The following ZNF385B variants were observed in gnomAD, a reference collection of about 807,000 sequenced individuals.
ZNF385B encodes the protein zinc finger protein 533.
ZNF385B carries 23 observed loss-of-function variants against 39.2 expected under a neutral mutation model. The observed-to-expected ratio is 0.59, with a 90% CI of 0.42 to 0.83. The LOEUF (loss-of-function observed/expected upper bound fraction) is 0.83. ZNF385B is among the 40% of genes least tolerant of loss of function. ZNF385B has a pLI of 0.00. For synonymous variants in ZNF385B, 205 were observed against 222.6 expected (o/e 0.92, Z 0.70); for missense variants, 552 against 598.9 (o/e 0.92, Z 0.82).
At chr2:179,738,059 T>C (rs1379682715) in intron 3 of ZNF385B, among the ~76,000 whole-genome samples, 3 of 152,212 alleles carry the variant, frequency 2.0e-5, no homozygotes, top group South Asian at 4.1e-4. Flanking sequence ...TCCTTTATCA[T>C]ATGCCTAAGT....
chr2:179,618,809 G>T (rs972212625), intron 3 of ZNF385B, among the ~76,000 whole-genome samples: 1 of 152,106 alleles, frequency 6.6e-6, no homozygotes, highest in African/African-American at 2.4e-5. Context: ...GTAGTGACAA[G>T]GTACCTCAAA....
intron 3 of ZNF385B, among the ~76,000 whole-genome samples, chr2:179,676,579 T>C (rs1429674690): frequency 6.6e-6 from 1 of 152,046 alleles, no homozygotes; most frequent in Admixed American, 6.5e-5. Context: ...GGCTACAATA[T>C]GGAGAATGAC....
chr2:179,469,228 GGAA>G (rs1175180128), intron 6 of ZNF385B, among the ~76,000 whole-genome samples: 3 of 152,252 alleles, frequency 2.0e-5, no homozygotes, highest in South Asian at 2.1e-4. Context: ...GGGCCACACT[GGAA>G]GAAGAAGAAT....
chr2:179,631,210 T>C (rs1691179516), intron 3 of ZNF385B, among the ~76,000 whole-genome samples: 1 of 151,918 alleles, frequency 6.6e-6, no homozygotes, highest in Admixed American at 6.6e-5. Flanking sequence ...CCACAGGACA[T>C]GTAATTGTCA....
chr2:179,546,448 C>T (rs1214285620), intron 3 of ZNF385B, among the ~76,000 whole-genome samples: 2 of 152,156 alleles, frequency 1.3e-5, no homozygotes, highest in African/African-American at 4.8e-5. Context: ...TAATTTTTAG[C>T]TCCACAAATA....
chr2:179,595,643 A>G (rs1375244728), intron 3 of ZNF385B, among the ~76,000 whole-genome samples: 1 of 149,604 alleles, frequency 6.7e-6, no homozygotes, highest in Non-Finnish European at 1.5e-5. Flanking sequence ...TTTTTCTTCC[A>G]GAGACAGGGT....
At chr2:179,638,607 C>T (rs1691974932) in intron 3 of ZNF385B, among the ~76,000 whole-genome samples, 1 of 152,034 alleles carries the variant, frequency 6.6e-6, no homozygotes, top group East Asian at 1.9e-4. Flanking sequence ...TACCATATGG[C>T]TATAATACTG....
chr2:179,617,387 A>G (rs1386964095), intron 3 of ZNF385B, among the ~76,000 whole-genome samples: 1 of 152,202 alleles, frequency 6.6e-6, no homozygotes, highest in Non-Finnish European at 1.5e-5. Context: ...TTGAAAGCCT[A>G]GTACCACCTG....
chr2:179,591,908 G>C (rs574123558), intron 3 of ZNF385B, among the ~76,000 whole-genome samples: 1 of 152,222 alleles, frequency 6.6e-6, no homozygotes, highest in East Asian at 1.9e-4. Flanking sequence ...AGTGACTTCA[G>C]GTAGCAGCTC....
At chr2:179,445,215 C>G (rs2049351279) in intron 8 of ZNF385B, among the ~76,000 whole-genome samples, 1 of 152,162 alleles carries the variant, frequency 6.6e-6, no homozygotes. Flanking sequence ...ACCACTGTTA[C>G]TGATGAGTCT....
At chr2:179,546,784 G>GT (rs1342218753) in intron 3 of ZNF385B, among the ~76,000 whole-genome samples, 1 of 136,644 alleles carries the variant, frequency 7.3e-6, no homozygotes, top group Non-Finnish European at 1.6e-5. Flanking sequence ...CCAACTTTTA[G>GT]TTTTTTGAGG....
intron 1 of ZNF385B, among the ~76,000 whole-genome samples, chr2:179,838,931 G>GC (rs376272694): frequency 1.3e-5 from 2 of 149,984 alleles, no homozygotes; most frequent in Admixed American, 6.7e-5. Context: ...AAAAAAAAGG[G>GC]GGGGGGGCAT....
chr2:179,814,129 C>A (rs1237980547), intron 1 of ZNF385B: 1 of 159,758 alleles, frequency 6.3e-6, no homozygotes, highest in African/African-American at 2.4e-5. Flanking sequence ...TATGGGCAGG[C>A]CCTGGGGGTC....
chr2:179,637,038 C>T (rs1185932769), intron 3 of ZNF385B, among the ~76,000 whole-genome samples: 2 of 152,078 alleles, frequency 1.3e-5, no homozygotes, highest in African/African-American at 4.8e-5. Context: ...AAACTCATAG[C>T]AAGTAATTTC....
chr2:179,763,373 C>A (rs989128265), intron 3 of ZNF385B, among the ~76,000 whole-genome samples: 5 of 152,144 alleles, frequency 3.3e-5, no homozygotes, highest in Admixed American at 6.5e-5. Context: ...TTGGTATCTT[C>A]TTCTTTCTTC....
intron 4 of ZNF385B, among the ~76,000 whole-genome samples, chr2:179,520,336 T>G (rs2058393527): frequency 6.6e-6 from 1 of 152,078 alleles, no homozygotes; most frequent in African/African-American, 2.4e-5. Flanking sequence ...CTTCTTAACA[T>G]TATTATGTTT....
In ZNF385B at chr2:179,783,192, T is replaced by C. The variant is rs865820759; in HGVS notation, c.-154-12520A>G. On this transcript the variant is annotated intron_variant, in intron 1 of 9. Transcript: ENST00000410066. ...AAATAAGGCCGTACACCTACAACCA[T>C]CTGATCTTTGACAAAGCTGACAAAA... 8.5e-5 allele frequency among the ~76,000 whole-genome samples: 13 copies of C among 152,262 alleles called. No homozygotes were observed. The South Asian group carries it at 1.9e-3, about 22-fold the overall frequency.
chr2:179,445,476 A>C, intron 8 of ZNF385B, 74 bp downstream of exon 8: 1 of 1,465,530 alleles, frequency 6.8e-7, no homozygotes, highest in South Asian at 1.4e-5. Context: ...AGTAAAAACC[A>C]TTCTATAGAT....
chr2:179,621,668 GTC>G (rs555311243), intron 3 of ZNF385B, among the ~76,000 whole-genome samples: 253 of 152,210 alleles, frequency 1.7e-3, no homozygotes, highest in African/African-American at 5.8e-3. Flanking sequence ...GTTACAGCAG[GTC>G]TAGGTGAGAG....
Sources: gnomAD v4.1 joint callset for allele counts (sites outside exome capture counted in the v4.1 genomes callset) on GRCh38, gnomAD v4.1.1 for gene constraint, MANE v1.5 for transcripts, NCBI Gene and HGNC (gene_info 2026-07-23, HGNC 2026-07-21) for gene names.